Variants in ABLIM1 observed in about 807,000 individuals in gnomAD.
The protein encoded by ABLIM1 is actin-binding LIM protein 1.
A neutral mutation model predicts 107.0 loss-of-function variants in ABLIM1; 40 were observed. The ratio of observed to expected loss-of-function variants is 0.37; its 90% CI spans 0.29 to 0.49. ABLIM1 has a LOEUF of 0.49. Ranked by LOEUF, ABLIM1 falls within the 20% of genes least tolerant of loss-of-function variation. The pLI is 0.97. For synonymous variants in ABLIM1, 357 were observed against 357.3 expected (o/e 1.00, Z 0.01); for missense variants, 857 against 1,008.5 (o/e 0.85, Z 2.04).
intron 4 of ABLIM1, among the ~76,000 whole-genome samples, chr10:114,566,893 A>G (rs1388226680): frequency 6.6e-6 from 1 of 152,196 alleles, no homozygotes; most frequent in Non-Finnish European, 1.5e-5. Context: ...TACTAAAAAT[A>G]CAAAAATTAG....
At chr10:114,552,087 G>A (rs777749641) in intron 4 of ABLIM1, among the ~76,000 whole-genome samples, 4 of 152,102 alleles carry the variant, frequency 2.6e-5, no homozygotes, top group East Asian at 3.9e-4. Flanking sequence ...ACCAGCCCAC[G>A]TGAGAATCCT....
chr10:114,758,395 G>A (rs1412239340), intron 1 of ABLIM1, among the ~76,000 whole-genome samples: 1 of 152,160 alleles, frequency 6.6e-6, no homozygotes, highest in African/African-American at 2.4e-5. Context: ...CATCCCTGAT[G>A]CCCATGCTCA....
chr10:114,630,434 CCG>C (rs2078100220), intron 1 of ABLIM1, among the ~76,000 whole-genome samples: 1 of 152,166 alleles, frequency 6.6e-6, no homozygotes, highest in South Asian at 2.1e-4. Context: ...TTTATTCACA[CCG>C]AATCATTTCA....
chr10:114,762,177 C>T (rs541039800), intron 1 of ABLIM1, among the ~76,000 whole-genome samples: 20 of 152,200 alleles, frequency 1.3e-4, no homozygotes, highest in African/African-American at 1.9e-4. Flanking sequence ...AGACTACAGG[C>T]GCCCGCCACC....
chr10:114,671,941 C>A (rs1188729193), intron 1 of ABLIM1, among the ~76,000 whole-genome samples: 1 of 152,144 alleles, frequency 6.6e-6, no homozygotes, highest in African/African-American at 2.4e-5. Context: ...TAGCTCAATG[C>A]AGCCTCCAAC....
intron 2 of ABLIM1, among the ~76,000 whole-genome samples, chr10:114,594,328 C>T (rs2075203793): frequency 2.0e-5 from 3 of 152,220 alleles, no homozygotes; most frequent in Admixed American, 2.0e-4. Flanking sequence ...GTAGCTCAGT[C>T]ATCTGTGATA....
chr10:114,484,737 G>T (rs866750279), intron 8 of ABLIM1, among the ~76,000 whole-genome samples: 19 of 152,078 alleles, frequency 1.2e-4, no homozygotes, highest in African/African-American at 4.6e-4. Context: ...GCCTTTCCCG[G>T]CTGCACACTT....
chr10:114,586,152 G>T (rs2074167088), intron 2 of ABLIM1, among the ~76,000 whole-genome samples: 1 of 152,140 alleles, frequency 6.6e-6, no homozygotes, highest in South Asian at 2.1e-4. Context: ...AAATAGTGGT[G>T]CCAAGGTAGA....
intron 8 of ABLIM1, among the ~76,000 whole-genome samples, chr10:114,483,599 G>A (rs1345815200): frequency 2.0e-5 from 3 of 152,160 alleles, no homozygotes; most frequent in East Asian, 1.9e-4. Flanking sequence ...TTCTATCAAT[G>A]AGGAAACTCA....
chr10:114,490,489 T>C (rs1429528402), intron 7 of ABLIM1, among the ~76,000 whole-genome samples: 1 of 152,228 alleles, frequency 6.6e-6, no homozygotes, highest in South Asian at 2.1e-4. Flanking sequence ...CATAGTGCCA[T>C]GTGCAAAGAG....
chr10:114,583,412 C>T (rs1392785848), intron 2 of ABLIM1, among the ~76,000 whole-genome samples: 1 of 38,402 alleles, frequency 2.6e-5, no homozygotes, highest in Non-Finnish European at 5.3e-5. Context: ...GGAACACACA[C>T]ACACACACAC....
chr10:114,718,105 GAA>G (rs200438892), intron 1 of ABLIM1, among the ~76,000 whole-genome samples: 16 of 57,312 alleles, frequency 2.8e-4, no homozygotes, highest in Non-Finnish European at 7.1e-4. Flanking sequence ...AAAAGAAAAA[GAA>G]AAAGAAAGAA....
chr10:114,731,009 T>A (rs1052294395), intron 1 of ABLIM1, among the ~76,000 whole-genome samples: 1 of 152,216 alleles, frequency 6.6e-6, no homozygotes, highest in Non-Finnish European at 1.5e-5. Flanking sequence ...CTTTTCACTG[T>A]TGAATAATAT....
rs543146078 is a variant in ABLIM1 at position 114,741,468 on chromosome 10, G to A, written c.-213+26593C>T. Among the ~76,000 whole-genome samples, 7 of 151,662 alleles carry A rather than the reference G, an allele frequency of 4.6e-5. No individual in the cohort carries two copies. The East Asian group carries it at 7.8e-4, about 17-fold the overall frequency. On this transcript the variant is annotated intron_variant, in intron 1 of 15. Coordinates refer to the ABLIM1 transcript ENST00000651092. ...TCTCGATCTTCTGACCTCGTGATCC[G>A]CCCGCCTCAGCCTCCCAAAGTGCTG...
intron 6 of ABLIM1, among the ~76,000 whole-genome samples, chr10:114,500,468 C>T (rs946125458): frequency 1.3e-5 from 2 of 151,854 alleles, no homozygotes. Context: ...TCACTTGAGC[C>T]CAGGAGTTTG....
At chr10:114,634,715 T>A (rs1041975108) in intron 1 of ABLIM1, among the ~76,000 whole-genome samples, 1 of 152,118 alleles carries the variant, frequency 6.6e-6, no homozygotes, top group African/African-American at 2.4e-5. Flanking sequence ...AGAATTTTTC[T>A]GTGCCACAGT....
chr10:114,591,848 C>T (rs1017507401), intron 2 of ABLIM1, among the ~76,000 whole-genome samples: 11 of 152,008 alleles, frequency 7.2e-5, no homozygotes, highest in South Asian at 2.1e-4. Flanking sequence ...TTCAAATATC[C>T]GACATCCAAA....
At chr10:114,704,521 T>G (rs182870585) in intron 1 of ABLIM1, among the ~76,000 whole-genome samples, 15 of 151,380 alleles carry the variant, frequency 9.9e-5, no homozygotes, top group African/African-American at 3.6e-4. Context: ...TTGGCAGAGA[T>G]TTCCCAATGC....
intron 6 of ABLIM1, among the ~76,000 whole-genome samples, chr10:114,509,790 C>T (rs778145761): frequency 9.2e-5 from 14 of 152,236 alleles, no homozygotes; most frequent in East Asian, 1.9e-4. Context: ...TGTATTAGTC[C>T]GTTCTCACAC....
Sources: allele counts gnomAD v4.1 joint callset (sites outside exome capture counted in the v4.1 genomes callset), GRCh38; gene constraint gnomAD v4.1.1; transcripts MANE v1.5; gene names NCBI Gene and HGNC (gene_info 2026-07-23, HGNC 2026-07-21).